NOTCH1: variants seen among roughly 807,000 people sequenced by gnomAD.
The protein encoded by NOTCH1 is neurogenic locus notch homolog protein 1.
Under a neutral mutation model 254.8 loss-of-function variants are expected in NOTCH1, and 37 were observed. That is an observed-to-expected ratio of 0.15 (90% CI 0.11 to 0.19). The LOEUF is 0.19. Ranked by LOEUF, NOTCH1 falls within the 10% of genes least tolerant of loss-of-function variation. The probability of loss-of-function intolerance (pLI) is 1.00; values close to 1 mark genes in which losing one functional copy is unlikely to be tolerated. For missense variants in NOTCH1, 2,972 were observed against 3,708.6 expected (o/e 0.80, Z 5.16); for synonymous variants, 1,731 against 1,618.1 (o/e 1.07, Z -1.68).
chr9:136,521,310 C>T (rs967489615), intron 4 of NOTCH1, among the ~76,000 whole-genome samples: 2 of 152,128 alleles, frequency 1.3e-5, no homozygotes, highest in African/African-American at 2.4e-5. Flanking sequence ...CTGAGATCTA[C>T]CCACACTCAA....
rs568642923 is a variant in NOTCH1, at chr9:136,504,547, G to A, written c.5018+126C>T. The A allele has an allele frequency of 1.6e-4, 172 of 1,085,250 alleles. 2 individuals carry two copies. In the South Asian group the frequency reaches 2.5e-3, roughly 16 times the overall value. 67.2% of individuals were successfully genotyped at this position (1,085,250 alleles called of 1,614,324 possible). On this transcript the variant is annotated intron_variant, in intron 26 of 33. Coordinates refer to ENST00000651671, the MANE Select transcript of NOTCH1 (RefSeq NM_017617.5). ...AGTCCCAGGTCCTCTCGGAACCTCC[G>A]TCTCTTTTACCATAAAGTGGGGAGA...
intron 30 of NOTCH1, 63 bp downstream of exon 30, chr9:136,501,685 G>A (rs1269478320): frequency 1.3e-6 from 2 of 1,582,668 alleles, no homozygotes; most frequent in Admixed American, 1.7e-5. Flanking sequence ...CAGCCTCGGG[G>A]CTTAGGGGAG....
At position 136,523,085 on chromosome 9, in the gene NOTCH1, G is replaced by A. The variant is rs1304022656; in HGVS notation, c.507C>T (p.Ser169=). The A allele has an allele frequency of 6.3e-7, 1 of 1,595,430 alleles. No homozygotes were observed. Among genetic ancestry groups the A allele is most frequent in the East Asian group, 2.3e-5 (1 of 44,066 alleles). The part of the protein sequence containing the change: ...EASYICHCPP[S]FHGPTCRQDV... ...CCTGCCGGCAGGTGGGGCCATGGAA[G>A]CTGGGTGGGCAGTGGCAGATGTAGG... Residue 169 remains serine, a synonymous_variant, in exon 4 of 34, where the codon AGC becomes AGT. Coordinates refer to ENST00000651671, the MANE Select transcript of NOTCH1 (RefSeq NM_017617.5).
Position 136,502,388 on chromosome 9 carries a change from C to A in NOTCH1, c.5268G>T (p.Leu1756=), listed in dbSNP as rs771182004. The part of the protein sequence containing the change: ...LLFFVGCGVL[L]SRKRRRQHGQ... Reference sequence around the variant, plus strand: ...CATGCTGCCGCCGGCGCTTGCGGGACAGCAGCACCCCGCAGCCCACGAAGA... The same window carrying A: ...CATGCTGCCGCCGGCGCTTGCGGGAAAGCAGCACCCCGCAGCCCACGAAGA... Residue 1756 remains leucine (L), a synonymous_variant, in exon 28 of 34, where the codon CTG becomes CTT. Coordinates refer to ENST00000651671, the MANE Select transcript of NOTCH1 (RefSeq NM_017617.5). 3.1e-6 allele frequency: 5 copies of A among 1,612,198 alleles called. No homozygotes were observed. The East Asian group carries it at 1.1e-4, about 36-fold the overall frequency.
Position 136,506,144 on chromosome 9 carries a change from C to T in NOTCH1, c.4015-263G>A, listed in dbSNP as rs2007789748. On this transcript the variant is annotated intron_variant, in intron 24 of 33. Coordinates refer to ENST00000651671, the MANE Select transcript of NOTCH1 (RefSeq NM_017617.5). The surrounding 1 kb of genome is among the most constrained non-coding windows in gnomAD (Gnocchi z 4.5). ...AGGGCAGGGACTCTCTGCCGTGATC[C>T]TGCGAGGGTGGGCAGGCATGTCATA... 6.6e-6 allele frequency among the ~76,000 whole-genome samples: 1 copy of T among 152,114 alleles called. No homozygotes were observed. The highest frequency in any genetic ancestry group is 2.1e-4 in the South Asian group (1 of 4,838).
At chr9:136,503,423 G>T (rs2133334088) in intron 26 of NOTCH1, 93 bp from the exon 27 acceptor site, 1 of 1,578,728 alleles carries the variant, frequency 6.3e-7, no homozygotes, top group Non-Finnish European at 8.7e-7. Flanking sequence ...TGAGGCCCAT[G>T]ACGCCACAGT....
chr9:136,525,074 T>C (rs1222320331), intron 2 of NOTCH1, among the ~76,000 whole-genome samples: 1 of 152,180 alleles, frequency 6.6e-6, no homozygotes, highest in Non-Finnish European at 1.5e-5. Flanking sequence ...CTTTCGGCAT[T>C]GAGTCTTCAT....
chr9:136,544,364 G>T (rs1843780164), intron 1 of NOTCH1, among the ~76,000 whole-genome samples: 1 of 152,208 alleles, frequency 6.6e-6, no homozygotes, highest in African/African-American at 2.4e-5. Context: ...AACACGTCCT[G>T]CTTGAAGCAG....
Position 136,502,314 on chromosome 9 carries a change from T to C in NOTCH1, c.5342A>G (p.Lys1781Arg), listed in dbSNP as rs775019516. The part of the protein sequence containing the change: ...EGFKVSEASK[K>R]KRREPLGEDS... ...CTCGCCGAGGGGCTCCCGCCGCTTCTTCTTGCTGGCCTCAGACACTTTGAA... is the reference window on the plus strand; with the variant it reads ...CTCGCCGAGGGGCTCCCGCCGCTTCCTCTTGCTGGCCTCAGACACTTTGAA... The change falls in exon 28 of 34, where the codon AAG becomes AGG. Residue 1781 changes from lysine to arginine, a missense_variant. Around this residue, in one of 8 missense-constraint regions of NOTCH1, gnomAD observed 421 missense variants for 604.4 expected, o/e 0.70. Coordinates refer to ENST00000651671, the MANE Select transcript of NOTCH1 (RefSeq NM_017617.5). 4 of 1,612,488 alleles carry C rather than the reference T, an allele frequency of 2.5e-6. No individual in the cohort carries two copies. The Admixed American group carries it at 5.0e-5, about 20-fold the overall frequency.
intron 31 of NOTCH1, 76 bp downstream of exon 31, chr9:136,500,476 G>T: frequency 1.3e-6 from 2 of 1,571,352 alleles, no homozygotes; most frequent in Non-Finnish European, 8.7e-7. Context: ...CCAGGGCCAC[G>T]TAAGCCTGGC....
intron 15 of NOTCH1, among the ~76,000 whole-genome samples, chr9:136,511,744 G>C (rs1025155201): frequency 1.3e-5 from 2 of 152,212 alleles, no homozygotes; most frequent in East Asian, 3.9e-4. Context: ...GGCAGCAAAC[G>C]CCCATCACGG....
At chr9:136,525,834 C>T (rs777355763) in intron 2 of NOTCH1, among the ~76,000 whole-genome samples, 40 of 152,208 alleles carry the variant, frequency 2.6e-4, no homozygotes, top group Non-Finnish European at 4.4e-4. Flanking sequence ...CCCAAAGGCC[C>T]GGGAGGCATC....
In NOTCH1 at chr9:136,495,358, T is replaced by C. The variant is rs1018636378; in HGVS notation, c.*713A>G. 3 of 398,868 alleles carry C rather than the reference T, an allele frequency of 7.5e-6. No homozygotes were observed. Among genetic ancestry groups the C allele is most frequent in the South Asian group, 1.3e-4 (1 of 7,864 alleles). The allele number at this position is 398,868 out of a possible 1,614,324, so 24.7% of individuals were successfully genotyped here. ...CTGAACCTGAAACAAAGATTCATGA[T>C]TGGTACCATGGGTGCACTCTTGGCA... On this transcript the variant is annotated 3_prime_UTR_variant, in exon 34 of 34. Coordinates refer to ENST00000651671, the MANE Select transcript of NOTCH1 (RefSeq NM_017617.5).
intron 2 of NOTCH1, among the ~76,000 whole-genome samples, chr9:136,531,827 G>T (rs934556601): frequency 2.0e-5 from 3 of 152,262 alleles, no homozygotes; most frequent in African/African-American, 7.2e-5. Flanking sequence ...TTCGGCCGCA[G>T]ATGGACGGCG....
chr9:136,521,306 T>C (rs1337882039), intron 4 of NOTCH1, among the ~76,000 whole-genome samples: 1 of 151,784 alleles, frequency 6.6e-6, no homozygotes, highest in Non-Finnish European at 1.5e-5. Flanking sequence ...GCCTCTGAGA[T>C]CTACCCACAC....
chr9:136,529,346 G>T (rs1387585280), intron 2 of NOTCH1, among the ~76,000 whole-genome samples: 1 of 152,228 alleles, frequency 6.6e-6, no homozygotes, highest in East Asian at 1.9e-4. Context: ...AGGCTTCTGG[G>T]GCAGGGGGAG....
intron 2 of NOTCH1, among the ~76,000 whole-genome samples, chr9:136,527,664 G>A (rs1054658412): frequency 1.3e-5 from 2 of 152,224 alleles, no homozygotes; most frequent in Non-Finnish European, 2.9e-5. Flanking sequence ...CCACGGAGGA[G>A]ACCCAACCCA....
At chr9:136,507,660 C>T (rs934281487) in intron 21 of NOTCH1, among the ~76,000 whole-genome samples, 2 of 152,144 alleles carry the variant, frequency 1.3e-5, no homozygotes, top group African/African-American at 2.4e-5. Flanking sequence ...GGGTGGACCC[C>T]GTCCCATAGG....
intron 4 of NOTCH1, among the ~76,000 whole-genome samples, chr9:136,522,250 T>G (rs1348640508): frequency 6.6e-6 from 1 of 152,130 alleles, no homozygotes; most frequent in Non-Finnish European, 1.5e-5. Flanking sequence ...GTGCTGGGAG[T>G]ACAGGCGTGA....
Sources: allele counts gnomAD v4.1 joint callset (sites outside exome capture counted in the v4.1 genomes callset), GRCh38; gene constraint gnomAD v4.1.1; regional missense constraint gnomAD v4.1.1; non-coding constraint Gnocchi (gnomAD v3.1); transcripts MANE v1.5; gene names NCBI Gene and HGNC (gene_info 2026-07-23, HGNC 2026-07-21).